Variants in RFX4 observed in about 807,000 individuals in gnomAD.
RFX4 encodes regulatory factor X4.
A neutral mutation model predicts 95.0 loss-of-function variants in RFX4; 10 were observed. The ratio of observed to expected loss-of-function variants is 0.11; its 90% CI spans 0.06 to 0.18. RFX4 has a LOEUF of 0.18. Among genes scored for constraint, RFX4 ranks in the 10% least tolerant of loss-of-function variants. The probability of loss-of-function intolerance (pLI) is 1.00; values close to 1 mark genes in which losing one functional copy is unlikely to be tolerated. For synonymous variants in RFX4, 321 were observed against 340.7 expected (o/e 0.94, Z 0.64); for missense variants, 640 against 922.0 (o/e 0.69, Z 3.96).
At position 106,705,304 on chromosome 12, in the gene RFX4, G is replaced by A. The variant is rs115672620; in HGVS notation, c.834-4026G>A. Among the ~76,000 whole-genome samples the A allele has an allele frequency of 5.2e-3, 794 of 152,308 alleles. 5 individuals carry two copies. Among genetic ancestry groups the A allele is most frequent in the African/African-American group, 0.017 (697 of 41,558 alleles). ...TGCTGATGGGCATTCAGGGAGCTACGAGTGTGGAGTTAAGATGTAGGAGAA... is the reference window on the plus strand; with the variant it reads ...TGCTGATGGGCATTCAGGGAGCTACAAGTGTGGAGTTAAGATGTAGGAGAA... On this transcript the variant is annotated intron_variant, in intron 8 of 17. Transcript: ENST00000392842.
chr12:106,702,109 C>T (rs574507219), intron 8 of RFX4, among the ~76,000 whole-genome samples: 1 of 151,850 alleles, frequency 6.6e-6, no homozygotes, highest in East Asian at 1.9e-4. Flanking sequence ...TTACTTTTTC[C>T]ATTAGAGCTT....
At position 106,747,556 on chromosome 12, in the gene RFX4, G is replaced by A. The variant is rs766270351; in HGVS notation, c.1753G>A (p.Val585Ile). ...MRNTHVPSSS[V>I]THRIPVYPHR... ...GAACACTCATGTGCCTTCTTCCTCC[G>A]TCACACACAGGATACCAGTTTATCC... The change falls in exon 16 of 18, where the codon GTC (valine) becomes ATC (isoleucine). Residue 585 changes from valine (V) to isoleucine (I), a missense_variant. Around this residue, in one of 7 missense-constraint regions of RFX4, gnomAD observed 300 missense variants for 346.8 expected, o/e 0.87. Transcript: ENST00000392842. 36 of 1,613,928 alleles carry A rather than the reference G, an allele frequency of 2.2e-5. 1 individual carries two copies. Among genetic ancestry groups the A allele is most frequent in the East Asian group, 8.9e-5 (4 of 44,892 alleles).
At chr12:106,704,062 T>C (rs1188331302) in intron 8 of RFX4, among the ~76,000 whole-genome samples, 3 of 88,682 alleles carry the variant, frequency 3.4e-5, no homozygotes, top group Non-Finnish European at 5.8e-5. Flanking sequence ...CAAGACACTG[T>C]CTCAAAAAAA....
intron 10 of RFX4, among the ~76,000 whole-genome samples, chr12:106,713,493 A>T (rs2042228404): frequency 6.6e-6 from 1 of 152,206 alleles, no homozygotes. Flanking sequence ...TGGCCTTTCC[A>T]TGGGTGTGAC....
At chr12:106,638,531 G>T (rs1431029412) in intron 2 of RFX4, among the ~76,000 whole-genome samples, 2 of 152,202 alleles carry the variant, frequency 1.3e-5, no homozygotes, top group African/African-American at 2.4e-5. Flanking sequence ...CTTCATTGGG[G>T]TTACAAAGAA....
chr12:106,717,122 G>A (rs2042309766), intron 11 of RFX4, among the ~76,000 whole-genome samples: 1 of 151,184 alleles, frequency 6.6e-6, no homozygotes, highest in African/African-American at 2.4e-5. Flanking sequence ...AAAGTCAACA[G>A]AAAGCATGGC....
chr12:106,692,328 G>A (rs1389889315), intron 7 of RFX4, among the ~76,000 whole-genome samples: 1 of 152,140 alleles, frequency 6.6e-6, no homozygotes, highest in Non-Finnish European at 1.5e-5. Flanking sequence ...GCCTGGATTT[G>A]TTTTGCTACA....
intron 1 of RFX4, among the ~76,000 whole-genome samples, chr12:106,585,158 C>G (rs1383466629): frequency 6.6e-6 from 1 of 152,244 alleles, no homozygotes; most frequent in African/African-American, 2.4e-5. Flanking sequence ...GACATAGGGT[C>G]TCCCTACATC....
chr12:106,698,026 G>A (rs574733282), intron 8 of RFX4, among the ~76,000 whole-genome samples: 136 of 151,832 alleles, frequency 9.0e-4, no homozygotes, highest in Admixed American at 2.9e-3. Flanking sequence ...AGGCTGGAGT[G>A]CAATGGCGCA....
At position 106,583,117 on chromosome 12, in the gene RFX4, T is replaced by TCC; in HGVS notation, c.-203_-202dup. On this transcript the variant is annotated 5_prime_UTR_variant, in exon 1 of 18. Transcript: ENST00000392842. ...GCTCGCTCCCTTCTCTCCCTCTCTCTCCTCTTTTCTTCTTTCTCTTTTCTT... is the reference window on the plus strand; with the variant it reads ...GCTCGCTCCCTTCTCTCCCTCTCTCTCCCCTCTTTTCTTCTTTCTCTTTTCTT... 2.2e-6 allele frequency: 1 copy of TCC among 461,592 alleles called. No homozygotes were observed. Among genetic ancestry groups the TCC allele is most frequent in the East Asian group, 3.6e-5 (1 of 28,024 alleles). 28.6% of individuals were successfully genotyped at this position (461,592 alleles called of 1,614,324 possible).
At chr12:106,593,855 G>A (rs542865570) in intron 1 of RFX4, among the ~76,000 whole-genome samples, 6 of 152,224 alleles carry the variant, frequency 3.9e-5, no homozygotes, top group African/African-American at 1.4e-4. Context: ...GAAGTCATTA[G>A]GATTTTATAA....
chr12:106,699,847 T>C (rs923501704), intron 8 of RFX4, among the ~76,000 whole-genome samples: 7 of 152,256 alleles, frequency 4.6e-5, no homozygotes, highest in African/African-American at 1.7e-4. Flanking sequence ...TTTTCCTTTT[T>C]AGTTGGTATG....
At chr12:106,651,300 C>G (rs2040851920) in intron 3 of RFX4, among the ~76,000 whole-genome samples, 1 of 152,196 alleles carries the variant, frequency 6.6e-6, no homozygotes, top group Non-Finnish European at 1.5e-5. Flanking sequence ...AGCTGCATGA[C>G]TGGGCAAATG....
At chr12:106,591,067 C>A (rs1466967627) in intron 1 of RFX4, among the ~76,000 whole-genome samples, 2 of 152,102 alleles carry the variant, frequency 1.3e-5, no homozygotes, top group Non-Finnish European at 2.9e-5. Context: ...GGAGGGCCCA[C>A]AACCCAGCTG....
chr12:106,745,276 A>C (rs555691892), intron 15 of RFX4, among the ~76,000 whole-genome samples: 1 of 152,250 alleles, frequency 6.6e-6, no homozygotes, highest in African/African-American at 2.4e-5. Flanking sequence ...CGTTCTTTTA[A>C]GGGTGTGTGA....
intron 6 of RFX4, among the ~76,000 whole-genome samples, chr12:106,688,242 G>A (rs185789652): frequency 1.1e-4 from 17 of 151,990 alleles, no homozygotes; most frequent in African/African-American, 4.1e-4. Context: ...GCTAATTTTT[G>A]TATTTTTAGT....
chr12:106,639,401 C>T lies in RFX4; in HGVS notation c.191+9C>T. The T allele has an allele frequency of 6.2e-7, 1 of 1,613,134 alleles. No individual in the cohort carries two copies. Among genetic ancestry groups the T allele is most frequent in the South Asian group, 1.1e-5 (1 of 90,944 alleles). On this transcript the variant is annotated intron_variant, in intron 3 of 17. Coordinates refer to ENST00000392842, the MANE Select transcript of RFX4 (RefSeq NM_213594.3). ...CCTGCTACTCTGCAATGGTAAGTTT[C>T]CATTTTTAGCAAGTTCTGTCTTCAG...
rs1006384541 is a variant in RFX4 at position 106,724,043 on chromosome 12, G to T, written c.1351+3167G>T. Among the ~76,000 whole-genome samples, 6 of 152,256 alleles carry T rather than the reference G, an allele frequency of 3.9e-5. No individual in the cohort carries two copies. In the South Asian group the frequency reaches 1.2e-3, roughly 32 times the overall value. On this transcript the variant is annotated intron_variant, in intron 13 of 17. Transcript: ENST00000392842. ...TGTATTGAGGGCCGAATATACTTTA[G>T]ACATTACATTTTCTCAATTACTTCT...
chr12:106,731,431 C>T (rs1487778262), intron 13 of RFX4, among the ~76,000 whole-genome samples: 6 of 152,168 alleles, frequency 3.9e-5, no homozygotes, highest in African/African-American at 1.4e-4. Flanking sequence ...AGCACAGAGA[C>T]TGGCATATAG....
Sources: allele counts gnomAD v4.1 joint callset (sites outside exome capture counted in the v4.1 genomes callset), GRCh38; gene constraint gnomAD v4.1.1; regional missense constraint gnomAD v4.1.1; transcripts MANE v1.5; gene names NCBI Gene and HGNC (gene_info 2026-07-23, HGNC 2026-07-21).